The following FTO variants were observed in gnomAD, a reference collection of about 807,000 sequenced individuals.
The protein encoded by FTO is FTO alpha-ketoglutarate dependent dioxygenase.
In FTO, 47 loss-of-function variants were observed where a neutral mutation model predicts 63.9. The ratio of observed to expected loss-of-function variants is 0.74; its 90% CI spans 0.58 to 0.94. The LOEUF (loss-of-function observed/expected upper bound fraction) is 0.94. Among genes scored for constraint, FTO ranks in the 40% least tolerant of loss-of-function variants. The pLI, the probability that FTO is intolerant of heterozygous loss-of-function variation, is 0.00. For missense variants in FTO, 562 were observed against 618.1 expected, an observed-to-expected ratio of 0.91 and a Z score of 0.96; for synonymous variants, 207 against 224.4, an observed-to-expected ratio of 0.92 and a Z score of 0.69.
At chr16:53,853,676 G>T (rs1293300971) in intron 4 of FTO, among the ~76,000 whole-genome samples, 1 of 152,038 alleles carries the variant, frequency 6.6e-6, no homozygotes, top group Non-Finnish European at 1.5e-5. Context: ...TGACTGAGTA[G>T]TATTTCATGG....
rs560610337 is a variant in FTO at position 53,846,074 on chromosome 16, A to T, written c.895+1776A>T. On this transcript the variant is annotated intron_variant, in intron 4 of 8. Coordinates refer to ENST00000471389, the MANE Select transcript of FTO (RefSeq NM_001080432.3). Reference sequence around the variant, plus strand: ...GCAGAGATTGTTCTTTTTTTAAGTGATCTTCCTAAAGTCACTTAGTTATGA... The same window carrying T: ...GCAGAGATTGTTCTTTTTTTAAGTGTTCTTCCTAAAGTCACTTAGTTATGA... Among the ~76,000 whole-genome samples, 37 of 152,078 alleles carry T rather than the reference A, an allele frequency of 2.4e-4. No individual in the cohort carries two copies. In the South Asian group the frequency reaches 7.7e-3, roughly 32 times the overall value.
intron 1 of FTO, among the ~76,000 whole-genome samples, chr16:53,708,502 G>A (rs1443675923): frequency 6.6e-6 from 1 of 152,158 alleles, no homozygotes; most frequent in African/African-American, 2.4e-5. Flanking sequence ...CCTAGTTTTT[G>A]TGTGGACGTG....
intron 8 of FTO, among the ~76,000 whole-genome samples, chr16:54,066,959 G>A (rs1297848851): frequency 6.6e-6 from 1 of 152,220 alleles, no homozygotes; most frequent in Non-Finnish European, 1.5e-5. Flanking sequence ...TGGAAATACT[G>A]TAGAGAGGTC....
intron 3 of FTO, among the ~76,000 whole-genome samples, chr16:53,837,466 A>G (rs185021105): frequency 3.9e-5 from 6 of 152,120 alleles, no homozygotes; most frequent in Non-Finnish European, 8.8e-5. Context: ...GGCATCTGAG[A>G]GCGGCTTCTT....
At chr16:53,760,784 G>A in intron 1 of FTO, among the ~76,000 whole-genome samples, 1 of 151,634 alleles carries the variant, frequency 6.6e-6, no homozygotes, top group East Asian at 2.0e-4. Context: ...GCACCGCTAT[G>A]CCCAGCTAGT....
In FTO at chr16:53,810,462, C is replaced by T. The variant is rs115090477; in HGVS notation, c.123+245C>T. On this transcript the variant is annotated intron_variant, in intron 2 of 8. Coordinates refer to ENST00000471389, the MANE Select transcript of FTO (RefSeq NM_001080432.3). ...GACATTCCACACTTCCTTGCCTCTG[C>T]TCATGCTGTTTCTTCTGCCTAGCTC... Among the ~76,000 whole-genome samples, 1,081 of 152,312 alleles carry T rather than the reference C, an allele frequency of 7.1e-3. 13 individuals are homozygous for T. The highest frequency in any genetic ancestry group is 0.024 in the African/African-American group (1,018 of 41,574).
intron 8 of FTO, chr16:53,937,574 A>G (rs1367769254): frequency 1.9e-5 from 5 of 270,194 alleles, no homozygotes; most frequent in Admixed American, 1.6e-4. Flanking sequence ...GAAAATGATT[A>G]CCAAATTATA....
chr16:53,879,691 TAAAAAA>T (rs34252518), intron 5 of FTO, among the ~76,000 whole-genome samples, 147 bp from the exon 6 acceptor site: 2 of 95,114 alleles, frequency 2.1e-5, no homozygotes, highest in South Asian at 7.0e-4. Context: ...ATCTCAAAAT[TAAAAAA>T]AAAAAAAAAA....
intron 8 of FTO, among the ~76,000 whole-genome samples, chr16:53,974,492 A>G (rs1473584666): frequency 1.3e-5 from 2 of 152,160 alleles, no homozygotes; most frequent in Non-Finnish European, 2.9e-5. Context: ...ACCTTTCACT[A>G]TCCTTAGAGG....
intron 8 of FTO, among the ~76,000 whole-genome samples, chr16:53,996,439 A>T (rs1305119040): frequency 1.3e-5 from 2 of 152,212 alleles, no homozygotes; most frequent in Non-Finnish European, 2.9e-5. Context: ...AGCATTCATC[A>T]TTCAAGAAAC....
At chr16:53,817,530 G>A (rs892480057) in intron 2 of FTO, among the ~76,000 whole-genome samples, 1 of 152,252 alleles carries the variant, frequency 6.6e-6, no homozygotes, top group South Asian at 2.1e-4. Context: ...GAATATTCTA[G>A]TACTTCTAAG....
At chr16:53,899,748 G>C (rs1485420100) in intron 7 of FTO, among the ~76,000 whole-genome samples, 1 of 152,124 alleles carries the variant, frequency 6.6e-6, no homozygotes, top group Admixed American at 6.5e-5. Context: ...CTTTTCCTTT[G>C]GGGGACGGGA....
chr16:54,107,335 A>G (rs546910668), intron 8 of FTO, among the ~76,000 whole-genome samples: 2 of 152,288 alleles, frequency 1.3e-5, no homozygotes, highest in Admixed American at 6.5e-5. Context: ...AGCTGGGTTC[A>G]GTAGGACTTG....
intron 2 of FTO, among the ~76,000 whole-genome samples, chr16:53,811,272 C>T (rs1486735050): frequency 6.6e-6 from 1 of 152,062 alleles, no homozygotes; most frequent in Non-Finnish European, 1.5e-5. Flanking sequence ...CCTCTTTTTT[C>T]CTACTACAAT....
chr16:53,740,636 A>T (rs1429242932), intron 1 of FTO, among the ~76,000 whole-genome samples: 1 of 152,136 alleles, frequency 6.6e-6, no homozygotes, highest in East Asian at 1.9e-4. Flanking sequence ...CTACATGATT[A>T]CCTTCCAGTT....
At chr16:53,881,116 C>A (rs181204736) in intron 6 of FTO, among the ~76,000 whole-genome samples, 1 of 115,640 alleles carries the variant, frequency 8.6e-6, no homozygotes, top group Non-Finnish European at 1.6e-5. Flanking sequence ...AGTGAGACTC[C>A]GTCTCAAAAT....
chr16:53,914,375 ATAAT>A (rs1480636080), intron 7 of FTO, among the ~76,000 whole-genome samples: 2 of 151,992 alleles, frequency 1.3e-5, no homozygotes, highest in Non-Finnish European at 2.9e-5. Flanking sequence ...TTGCAGATAA[ATAAT>A]TGTTTAACAG....
chr16:54,083,978 A>G (rs999244295), intron 8 of FTO, among the ~76,000 whole-genome samples: 1 of 152,176 alleles, frequency 6.6e-6, no homozygotes, highest in Non-Finnish European at 1.5e-5. Context: ...GAAATGCTCC[A>G]AAATCCAAAA....
At chr16:53,750,760 C>T (rs933778939) in intron 1 of FTO, among the ~76,000 whole-genome samples, 3 of 152,150 alleles carry the variant, frequency 2.0e-5, no homozygotes, top group African/African-American at 7.2e-5. Flanking sequence ...ATTGGGAACT[C>T]ATTGCTTTTA....
Sources: allele counts gnomAD v4.1 joint callset (sites outside exome capture counted in the v4.1 genomes callset), GRCh38; gene constraint gnomAD v4.1.1; transcripts MANE v1.5; gene names NCBI Gene and HGNC (gene_info 2026-07-23, HGNC 2026-07-21).